Variants in UGT1A8 observed in about 807,000 individuals in gnomAD.
UGT1A8 encodes UDP-glucuronosyltransferase 1A8.
UGT1A8 carries 39 observed loss-of-function variants against 45.3 expected under a neutral mutation model. The observed-to-expected ratio is 0.86, with a 90% CI of 0.67 to 1.12. UGT1A8 has a LOEUF of 1.12. Among genes scored for constraint, UGT1A8 ranks in the 50% most tolerant of loss-of-function variants. UGT1A8 has a pLI of 0.00. For synonymous variants in UGT1A8, 275 were observed against 249.2 expected, an observed-to-expected ratio of 1.10 and a Z score of -0.97; for missense variants, 719 against 664.9, an observed-to-expected ratio of 1.08 and a Z score of -0.90.
chr2:233,693,267 A>G lies in UGT1A8; in HGVS notation c.856-73767A>G, dbSNP rs759897162. The G allele has an allele frequency of 1.2e-5, 19 of 1,614,050 alleles. No individual in the cohort carries two copies. In the Admixed American group the frequency reaches 3.2e-4, roughly 27 times the overall value. ...GTGCCGTATGACCAAGAAGAGCTGAAGAACCGTTACCAATCATTTGGAAAC... is the reference window on the plus strand; with the variant it reads ...GTGCCGTATGACCAAGAAGAGCTGAGGAACCGTTACCAATCATTTGGAAAC... On this transcript the variant is annotated intron_variant, in intron 1 of 4. Transcript: ENST00000373450.
chr2:233,632,760 A>C (rs890105534), intron 1 of UGT1A8, among the ~76,000 whole-genome samples: 1 of 152,170 alleles, frequency 6.6e-6, no homozygotes, highest in African/African-American at 2.4e-5. Context: ...CTAAATATAC[A>C]ATCATGTCAT....
At chr2:233,630,889 G>C (rs2073175584) in intron 1 of UGT1A8, among the ~76,000 whole-genome samples, 1 of 150,440 alleles carries the variant, frequency 6.6e-6, no homozygotes, top group South Asian at 2.1e-4. Context: ...AGAACATGCA[G>C]GTTTGTTACA....
intron 1 of UGT1A8, among the ~76,000 whole-genome samples, chr2:233,665,832 G>C (rs2074066249): frequency 6.6e-6 from 1 of 152,156 alleles, no homozygotes; most frequent in Non-Finnish European, 1.5e-5. Flanking sequence ...TATGGTAGGT[G>C]TATGGTTACC....
At chr2:233,726,820 G>A (rs956550712) in intron 1 of UGT1A8, among the ~76,000 whole-genome samples, 1 of 151,954 alleles carries the variant, frequency 6.6e-6, no homozygotes, top group African/African-American at 2.4e-5. Flanking sequence ...TCCTCTATTC[G>A]ACCATTTAAA....
At chr2:233,744,078 C>T (rs1450419320) in intron 1 of UGT1A8, 2 of 455,950 alleles carry the variant, frequency 4.4e-6, no homozygotes, top group Non-Finnish European at 7.4e-6. Context: ...CGCCTCGCAT[C>T]CCAAGATGCA....
intron 1 of UGT1A8, chr2:233,690,513 A>G: frequency 1.6e-6 from 2 of 1,289,574 alleles, no homozygotes; most frequent in South Asian, 1.2e-5. Flanking sequence ...GATTTGTTTT[A>G]TCTTAGGATC....
intron 1 of UGT1A8, among the ~76,000 whole-genome samples, chr2:233,745,990 G>A (rs1261244723): frequency 3.3e-5 from 5 of 151,696 alleles, no homozygotes; most frequent in African/African-American, 1.2e-4. Context: ...TGACAGCTGG[G>A]TCTGAGAGAC....
rs1031320895 is a variant in UGT1A8, at chr2:233,747,800, G to A, written c.856-19234G>A. ...CAAATCCTTCCTCCTATATTCCTAA[G>A]TTACTAACGACCAATTCAGACCACA... On this transcript the variant is annotated intron_variant, in intron 1 of 4. Transcript: ENST00000373450. The A allele has an allele frequency of 3.1e-6, 5 of 1,613,386 alleles. No homozygotes were observed. The African/African-American group carries it at 4.0e-5, about 13-fold the overall frequency.
At chr2:233,634,254 G>A (rs1265393988) in intron 1 of UGT1A8, among the ~76,000 whole-genome samples, 2 of 152,198 alleles carry the variant, frequency 1.3e-5, no homozygotes, top group African/African-American at 4.8e-5. Flanking sequence ...TAGAATAAGT[G>A]CAATGTGGTG....
intron 1 of UGT1A8, chr2:233,693,641 C>T: frequency 1.2e-6 from 2 of 1,614,166 alleles, no homozygotes; most frequent in Non-Finnish European, 1.7e-6. Context: ...GGCCAACTTC[C>T]TTGTTAATTT....
chr2:233,667,198 A>G (rs1195405425), intron 1 of UGT1A8, among the ~76,000 whole-genome samples: 1 of 152,132 alleles, frequency 6.6e-6, no homozygotes, highest in African/African-American at 2.4e-5. Flanking sequence ...TAGTATTTCT[A>G]GTTCTAGATC....
chr2:233,628,857 A>G (rs2073137687), intron 1 of UGT1A8, among the ~76,000 whole-genome samples: 1 of 152,080 alleles, frequency 6.6e-6, no homozygotes, highest in Non-Finnish European at 1.5e-5. Flanking sequence ...CTTTTTCCAT[A>G]CCTATTGAGA....
chr2:233,752,468 T>C (rs1694980469), intron 1 of UGT1A8: 1 of 152,362 alleles, frequency 6.6e-6, no homozygotes, highest in Admixed American at 6.5e-5. Flanking sequence ...TATAGGCCTC[T>C]AGCAGTGTTA....
chr2:233,650,017 C>A (rs1299976824), intron 1 of UGT1A8, among the ~76,000 whole-genome samples: 1 of 152,154 alleles, frequency 6.6e-6, no homozygotes, highest in Non-Finnish European at 1.5e-5. Flanking sequence ...GTTGTCGAGG[C>A]TGGGGTGCAA....
intron 1 of UGT1A8, chr2:233,712,947 G>A: frequency 1.2e-6 from 2 of 1,612,674 alleles, no homozygotes; most frequent in South Asian, 1.1e-5. Context: ...ATTCTAGGAG[G>A]CACAACGTGG....
chr2:233,691,973 A>G (rs940295780), intron 1 of UGT1A8: 1 of 152,272 alleles, frequency 6.6e-6, no homozygotes, highest in Admixed American at 6.5e-5. Flanking sequence ...ATCCCTTTCG[A>G]TCACACCTAA....
chr2:233,703,550 C>T (rs2075742983), intron 1 of UGT1A8, among the ~76,000 whole-genome samples: 1 of 151,874 alleles, frequency 6.6e-6, no homozygotes, highest in Admixed American at 6.6e-5. Flanking sequence ...CACTTTATTG[C>T]TAGTAATATT....
At chr2:233,760,189 G>T in intron 1 of UGT1A8, 1 of 1,566,266 alleles carries the variant, frequency 6.4e-7, no homozygotes. Context: ...TTATAGTCAC[G>T]TGACACAGTC....
intron 1 of UGT1A8, among the ~76,000 whole-genome samples, chr2:233,763,329 T>C (rs752568926): frequency 2.0e-5 from 3 of 152,234 alleles, no homozygotes; most frequent in Non-Finnish European, 2.9e-5. Flanking sequence ...ATTATTTTTG[T>C]TTACATTTCC....
Sources: allele counts gnomAD v4.1 joint callset (sites outside exome capture counted in the v4.1 genomes callset), GRCh38; gene constraint gnomAD v4.1.1; transcripts MANE v1.5; gene names NCBI Gene and HGNC (gene_info 2026-07-23, HGNC 2026-07-21).